The following ASPH variants were observed in gnomAD, a reference collection of about 807,000 sequenced individuals.
ASPH encodes aspartyl/asparaginyl beta-hydroxylase.
Under a neutral mutation model 118.4 loss-of-function variants are expected in ASPH, and 100 were observed. That is an observed-to-expected ratio of 0.84 (90% CI 0.72 to 1.00). The LOEUF (loss-of-function observed/expected upper bound fraction) is 1.00, where lower values mean the gene tolerates loss of function less well. Ranked by LOEUF, ASPH falls within the 50% of genes least tolerant of loss-of-function variation. The pLI, the probability that ASPH is intolerant of heterozygous loss-of-function variation, is 0.00. For synonymous variants in ASPH, 315 were observed against 325.6 expected, an observed-to-expected ratio of 0.97 and a Z score of 0.35; for missense variants, 920 against 919.5, an observed-to-expected ratio of 1.00 and a Z score of -0.01.
rs182712053 is a variant in ASPH at position 61,523,776 on chromosome 8, A to G, written c.1900+2201T>C. Among the ~76,000 whole-genome samples, 6 of 152,346 alleles carry G rather than the reference A, an allele frequency of 3.9e-5. No individual in the cohort carries two copies. The East Asian group carries it at 1.2e-3, about 29-fold the overall frequency. On this transcript the variant is annotated intron_variant, in intron 22 of 24. Coordinates refer to ENST00000379454, the MANE Select transcript of ASPH (RefSeq NM_004318.4). The stretch of plus-strand genomic sequence containing the variant: ...TTTATCCCTTTATGACAATAAAATA[A>G]AACTAGAAATTCAGTTTTAAAATTT...
intron 16 of ASPH, among the ~76,000 whole-genome samples, chr8:61,573,564 T>C (rs1834122638): frequency 6.6e-6 from 1 of 151,930 alleles, no homozygotes; most frequent in African/African-American, 2.4e-5. Flanking sequence ...ACATCACACA[T>C]CTACAACCAT....
chr8:61,530,278 A>G (rs1267683096), intron 21 of ASPH, among the ~76,000 whole-genome samples: 1 of 152,262 alleles, frequency 6.6e-6, no homozygotes, highest in East Asian at 1.9e-4. Flanking sequence ...GAAAGACACC[A>G]GTTTCTAATT....
At chr8:61,515,072 T>G (rs1810390951) in intron 24 of ASPH, among the ~76,000 whole-genome samples, 1 of 149,616 alleles carries the variant, frequency 6.7e-6, no homozygotes, top group Non-Finnish European at 1.5e-5. Flanking sequence ...AGAGAAAAAA[T>G]AGGAGGTAGG....
chr8:61,521,718 T>C (rs527597697), intron 22 of ASPH, among the ~76,000 whole-genome samples: 1 of 152,254 alleles, frequency 6.6e-6, no homozygotes, highest in Non-Finnish European at 1.5e-5. Context: ...TAATAAACCT[T>C]GCTTCTTTGG....
At chr8:61,701,947 G>C (rs1455649977) in intron 1 of ASPH, among the ~76,000 whole-genome samples, 1 of 152,108 alleles carries the variant, frequency 6.6e-6, no homozygotes, top group Admixed American at 6.5e-5. Context: ...TTAGTATTTA[G>C]TCATTTTAAA....
intron 6 of ASPH, 134 bp downstream of exon 6, chr8:61,646,616 G>T: frequency 3.8e-6 from 4 of 1,057,044 alleles, no homozygotes; most frequent in East Asian, 2.9e-5. Context: ...TGCTTTAATT[G>T]AAGCTTTAAG....
chr8:61,642,866 A>G (rs1055560210), intron 10 of ASPH, 22 bp downstream of exon 10: 4 of 1,536,238 alleles, frequency 2.6e-6, no homozygotes, highest in African/African-American at 1.4e-5. Flanking sequence ...AGAAAAAAAA[A>G]AAAAAGAAAG....
chr8:61,662,048 G>T, intron 3 of ASPH: 1 of 353,804 alleles, frequency 2.8e-6, no homozygotes, highest in African/African-American at 2.1e-5. Flanking sequence ...ACAGAAATTA[G>T]ATGACACAAC....
In ASPH at chr8:61,636,703, A is replaced by G. The variant is rs1042354993; in HGVS notation, c.889+1244T>C. Among the ~76,000 whole-genome samples the G allele has an allele frequency of 2.6e-4, 40 of 152,334 alleles. 1 individual carries two copies. Among genetic ancestry groups the G allele is most frequent in the Admixed American group, 2.0e-3 (31 of 15,304 alleles). On this transcript the variant is annotated intron_variant, in intron 12 of 24. Transcript: ENST00000379454. The stretch of plus-strand genomic sequence containing the variant: ...ACCAAGAAAGGTAGGGTCAAATTGC[A>G]TAGTTCTTTTCTATAAACCGTATGT...
intron 2 of ASPH, 79 bp from the exon 3 acceptor site, chr8:61,681,115 A>T: frequency 8.8e-7 from 1 of 1,140,674 alleles, no homozygotes; most frequent in Non-Finnish European, 1.2e-6. Context: ...TAGTGAAGTC[A>T]TGCAACTCAG....
chr8:61,592,945 T>C (rs1841562047), intron 14 of ASPH, among the ~76,000 whole-genome samples: 1 of 152,208 alleles, frequency 6.6e-6, no homozygotes, highest in African/African-American at 2.4e-5. Context: ...AATCCCATGT[T>C]AGGATTTTTG....
intron 21 of ASPH, among the ~76,000 whole-genome samples, chr8:61,541,063 T>C (rs1821724866): frequency 6.6e-6 from 1 of 152,060 alleles, no homozygotes; most frequent in Non-Finnish European, 1.5e-5. Flanking sequence ...ATCGAGACCA[T>C]CCTGGTTAAC....
chr8:61,629,531 T>G (rs967618946), intron 13 of ASPH, among the ~76,000 whole-genome samples: 4 of 151,140 alleles, frequency 2.6e-5, no homozygotes, highest in African/African-American at 9.7e-5. Flanking sequence ...GTGATTGGCC[T>G]ATAATATCAG....
chr8:61,507,212 G>A (rs146665051), intron 24 of ASPH, among the ~76,000 whole-genome samples: 1 of 152,286 alleles, frequency 6.6e-6, no homozygotes, highest in Non-Finnish European at 1.5e-5. Context: ...GCATATAAAA[G>A]TAGAACTTAA....
intron 24 of ASPH, among the ~76,000 whole-genome samples, chr8:61,510,578 A>G (rs922646287): frequency 4.6e-5 from 7 of 152,148 alleles, no homozygotes; most frequent in African/African-American, 1.4e-4. Flanking sequence ...AACATAATCC[A>G]TTTTCCATAT....
At chr8:61,629,593 G>T (rs1854635077) in intron 13 of ASPH, among the ~76,000 whole-genome samples, 1 of 152,184 alleles carries the variant, frequency 6.6e-6, no homozygotes, top group South Asian at 2.1e-4. Flanking sequence ...GAATCCACGT[G>T]CACAGCACTT....
At chr8:61,639,863 C>T (rs531446935) in intron 10 of ASPH, among the ~76,000 whole-genome samples, 1 of 152,276 alleles carries the variant, frequency 6.6e-6, no homozygotes, top group East Asian at 1.9e-4. Context: ...GAAAAGAGCA[C>T]CCCCTGTCAC....
Position 61,700,108 on chromosome 8 carries a change from G to A in ASPH, c.103+14161C>T, listed in dbSNP as rs528997552. ...AAGGGGGGATGAAGTATTCTGCCAG[G>A]AGTGGAGGCCCAGGGGATTGAGGGT... On this transcript the variant is annotated intron_variant, in intron 1 of 24. Coordinates refer to ENST00000379454, the MANE Select transcript of ASPH (RefSeq NM_004318.4). Among the ~76,000 whole-genome samples the A allele has an allele frequency of 3.9e-5, 6 of 152,344 alleles. No homozygotes were observed. In the South Asian group the frequency reaches 1.0e-3, roughly 26 times the overall value.
chr8:61,633,527 G>A (rs1856498834), intron 13 of ASPH, among the ~76,000 whole-genome samples, 156 bp downstream of exon 13: 1 of 152,094 alleles, frequency 6.6e-6, no homozygotes, highest in Admixed American at 6.5e-5. Context: ...CATTACTTTG[G>A]TTGAACTGAT....
Sources: gnomAD v4.1 joint callset for allele counts (sites outside exome capture counted in the v4.1 genomes callset) on GRCh38, gnomAD v4.1.1 for gene constraint, MANE v1.5 for transcripts, NCBI Gene and HGNC (gene_info 2026-07-23, HGNC 2026-07-21) for gene names.